KAZN: variants seen among roughly 807,000 people sequenced by gnomAD.
KAZN encodes the protein kazrin, periplakin interacting protein.
In KAZN, 40 loss-of-function variants were observed where a neutral mutation model predicts 87.4. The observed-to-expected ratio is 0.46, with a 90% confidence interval of 0.36 to 0.60. The LOEUF is 0.60. KAZN is among the 20% of genes least tolerant of loss of function. The pLI, the probability that KAZN is intolerant of heterozygous loss-of-function variation, is 0.00. For missense variants in KAZN, 898 were observed against 1,073.9 expected, an observed-to-expected ratio of 0.84 and a Z score of 2.29; for synonymous variants, 466 against 458.3, an observed-to-expected ratio of 1.02 and a Z score of -0.22.
chr1:14,402,766 G>A (rs1162946461), intron 2 of KAZN, among the ~76,000 whole-genome samples: 1 of 151,598 alleles, frequency 6.6e-6, no homozygotes, highest in Non-Finnish European at 1.5e-5. Context: ...TGACACTGGT[G>A]AAGAAATAGG....
chr1:14,652,811 G>A (rs1171190605), intron 1 of KAZN, among the ~76,000 whole-genome samples: 2 of 151,872 alleles, frequency 1.3e-5, no homozygotes, highest in African/African-American at 4.8e-5. Context: ...ATACACACCA[G>A]TTTAATGATT....
At chr1:14,196,143 A>G (rs1429057625) in intron 2 of KAZN, among the ~76,000 whole-genome samples, 1 of 152,196 alleles carries the variant, frequency 6.6e-6, no homozygotes, top group African/African-American at 2.4e-5. Flanking sequence ...ACCAAGAGAC[A>G]ACGGTGGTTG....
At chr1:14,635,370 G>A (rs1172639742) in intron 1 of KAZN, among the ~76,000 whole-genome samples, 10 of 152,198 alleles carry the variant, frequency 6.6e-5, no homozygotes, top group South Asian at 2.1e-4. Context: ...GCACTTGCCC[G>A]TGGATGTGAC....
chr1:14,177,077 G>A (rs894624060), intron 1 of KAZN, among the ~76,000 whole-genome samples: 1 of 152,112 alleles, frequency 6.6e-6, no homozygotes, highest in Non-Finnish European at 1.5e-5. Context: ...AGAATCACTT[G>A]GACCTAGAAG....
At chr1:14,385,400 A>T (rs1288700616) in intron 2 of KAZN, among the ~76,000 whole-genome samples, 5 of 151,704 alleles carry the variant, frequency 3.3e-5, no homozygotes, top group African/African-American at 1.2e-4. Flanking sequence ...TTTAATTGTG[A>T]TGGTAGGGTG....
In KAZN at chr1:14,912,986, C is replaced by T. The variant is rs1380518428; in HGVS notation, c.227-47698C>T. On this transcript the variant is annotated intron_variant, in intron 1 of 14. Coordinates refer to ENST00000376030, the MANE Select transcript of KAZN (RefSeq NM_201628.3). Reference sequence around the variant, plus strand: ...CTGACTGGCCCACAGTAAATGGTAGCTATTGTTCTTTCCTAAGACCTGAGA... The same window carrying T: ...CTGACTGGCCCACAGTAAATGGTAGTTATTGTTCTTTCCTAAGACCTGAGA... Among the ~76,000 whole-genome samples the T allele has an allele frequency of 2.0e-5, 3 of 152,116 alleles. No homozygotes were observed. In the East Asian group the frequency reaches 5.8e-4, roughly 29 times the overall value.
intron 1 of KAZN, among the ~76,000 whole-genome samples, chr1:14,126,403 G>C (rs1644870040): frequency 7.0e-6 from 1 of 143,234 alleles, no homozygotes; most frequent in Non-Finnish European, 1.5e-5. Context: ...TTAAGACGAA[G>C]AAACGGAAGT....
intron 1 of KAZN, among the ~76,000 whole-genome samples, chr1:14,679,388 T>C (rs984976663): frequency 1.3e-5 from 2 of 151,772 alleles, no homozygotes; most frequent in African/African-American, 2.4e-5. Flanking sequence ...GCAGGGGTGG[T>C]CCCTTTTTGT....
At chr1:14,248,886 G>C (rs1332461558) in intron 2 of KAZN, among the ~76,000 whole-genome samples, 1 of 152,168 alleles carries the variant, frequency 6.6e-6, no homozygotes, top group Non-Finnish European at 1.5e-5. Context: ...AGGCCAAGCA[G>C]CCATGTTAGA....
At chr1:14,919,528 G>A (rs1453843766) in intron 1 of KAZN, among the ~76,000 whole-genome samples, 1 of 152,234 alleles carries the variant, frequency 6.6e-6, no homozygotes, top group Non-Finnish European at 1.5e-5. Context: ...CATTGTGGCT[G>A]AGGTCTTCAT....
chr1:15,060,240 G>A lies in KAZN; in HGVS notation c.985G>A (p.Asp329Asn), dbSNP rs145989891. 1.9e-6 allele frequency: 3 copies of A among 1,614,194 alleles called. No individual in the cohort carries two copies. The highest frequency in any genetic ancestry group is 1.3e-5 in the African/African-American group (1 of 75,058). The change falls in exon 6 of 15, where the codon GAC becomes AAC. Residue 329 changes from aspartate to asparagine, a missense_variant. Asp to Asn is a conservative substitution (Grantham distance 23). Transcript: ENST00000376030. The part of the protein sequence containing the change: ...VISDASAAEG[D>N]RSSTPSDINS... ...CTCCGACGCATCTGCCGCCGAAGGC[G>A]ACCGGTCGTCCACACCGAGCGACAT...
At chr1:14,936,919 G>A (rs947132296) in intron 1 of KAZN, among the ~76,000 whole-genome samples, 1 of 152,164 alleles carries the variant, frequency 6.6e-6, no homozygotes, top group East Asian at 1.9e-4. Context: ...CAGTGGAGAG[G>A]AGCTCAGGGC....
At chr1:14,434,788 G>T (rs776736636) in intron 2 of KAZN, among the ~76,000 whole-genome samples, 1 of 151,884 alleles carries the variant, frequency 6.6e-6, no homozygotes, top group Non-Finnish European at 1.5e-5. Flanking sequence ...CCTCTCCATG[G>T]GGCACTGTCT....
intron 1 of KAZN, among the ~76,000 whole-genome samples, chr1:14,050,505 G>A (rs1055945394): frequency 6.6e-6 from 1 of 152,172 alleles, no homozygotes; most frequent in Non-Finnish European, 1.5e-5. Flanking sequence ...GCAGTTGGGA[G>A]AGAATATGTG....
At chr1:14,063,032 G>A (rs936938449) in intron 1 of KAZN, among the ~76,000 whole-genome samples, 4 of 152,096 alleles carry the variant, frequency 2.6e-5, no homozygotes, top group Non-Finnish European at 5.9e-5. Context: ...ATTTTACATC[G>A]TTGTTATTAT....
At chr1:14,705,153 C>T (rs867640571) in intron 1 of KAZN, among the ~76,000 whole-genome samples, 1 of 152,196 alleles carries the variant, frequency 6.6e-6, no homozygotes, top group Admixed American at 6.5e-5. Flanking sequence ...GATGGCCTCC[C>T]TCTTGCTGCC....
chr1:14,610,437 A>G (rs2148619588), intron 1 of KAZN, among the ~76,000 whole-genome samples: 1 of 151,794 alleles, frequency 6.6e-6, no homozygotes, highest in South Asian at 2.1e-4. Context: ...GTTAGCCAGG[A>G]TGGTCTCGAT....
At chr1:14,610,505 G>A (rs1459835596) in intron 1 of KAZN, among the ~76,000 whole-genome samples, 1 of 151,882 alleles carries the variant, frequency 6.6e-6, no homozygotes, top group East Asian at 1.9e-4. Flanking sequence ...TTACAGGCGT[G>A]AGCCACCATG....
intron 1 of KAZN, among the ~76,000 whole-genome samples, chr1:13,952,663 C>T (rs562723401): frequency 1.7e-4 from 26 of 151,850 alleles, no homozygotes; most frequent in Middle Eastern, 3.4e-3. Flanking sequence ...AACCCCCGAT[C>T]GCTTTCAGAA....
Sources: gnomAD v4.1 joint callset for allele counts (sites outside exome capture counted in the v4.1 genomes callset) on GRCh38, gnomAD v4.1.1 for gene constraint, MANE v1.5 for transcripts, NCBI Gene and HGNC (gene_info 2026-07-23, HGNC 2026-07-21) for gene names.